SGCZ: variants seen among roughly 807,000 people sequenced by gnomAD.
SGCZ encodes the protein sarcoglycan zeta.
A neutral mutation model predicts 41.3 loss-of-function variants in SGCZ; 40 were observed. That is an observed-to-expected ratio of 0.97 (90% CI 0.75 to 1.26). The LOEUF is 1.26. Among genes scored for constraint, SGCZ ranks in the 50% most tolerant of loss-of-function variants. The probability of loss-of-function intolerance (pLI) is 0.00; values close to 1 mark genes in which losing one functional copy is unlikely to be tolerated. For missense variants in SGCZ, 552 were observed against 369.8 expected, an observed-to-expected ratio of 1.49 and a Z score of -4.04; for synonymous variants, 206 against 137.5, an observed-to-expected ratio of 1.50 and a Z score of -3.49.
At chr8:14,177,819 C>T (rs1005019239) in intron 4 of SGCZ, among the ~76,000 whole-genome samples, 4 of 150,844 alleles carry the variant, frequency 2.7e-5, no homozygotes, top group Admixed American at 6.6e-5. Context: ...CCACTGCGCC[C>T]GGCCCTCTGT....
intron 1 of SGCZ, among the ~76,000 whole-genome samples, chr8:14,583,239 G>T (rs11778109): frequency 0.2 from 29,703 of 146,318 alleles, 3,593 homozygotes; most frequent in Non-Finnish European, 0.27. Context: ...TGGTTTTGAT[G>T]TGCATTTCTC....
At chr8:14,533,596 T>G (rs1456638511) in intron 2 of SGCZ, among the ~76,000 whole-genome samples, 1 of 151,994 alleles carries the variant, frequency 6.6e-6, no homozygotes, top group Non-Finnish European at 1.5e-5. Flanking sequence ...AAGATCTAAG[T>G]GCAAAATTTG....
rs201353141 is a variant in SGCZ, at chr8:15,048,894, CA to C, written c.39+188690del. ...ATTTACACCCTGACCATCTTCCAAACAAAAAGTTGCTCTCCTCAAAAAACTT... is the reference window on the plus strand; with the variant it reads ...ATTTACACCCTGACCATCTTCCAAACAAAAGTTGCTCTCCTCAAAAAACTT... On this transcript the variant is annotated intron_variant, in intron 1 of 7. Coordinates refer to ENST00000382080, the MANE Select transcript of SGCZ (RefSeq NM_139167.4). 3.0e-3 allele frequency among the ~76,000 whole-genome samples: 462 copies of C among 152,144 alleles called. 1 individual carries two copies. The highest frequency in any genetic ancestry group is 0.01 in the African/African-American group (423 of 41,522).
chr8:14,832,815 AC>A (rs1802577978), intron 1 of SGCZ, among the ~76,000 whole-genome samples: 1 of 152,086 alleles, frequency 6.6e-6, no homozygotes, highest in Non-Finnish European at 1.5e-5. Context: ...CATTAATCCA[AC>A]CTTTCAAATA....
chr8:14,888,764 T>C (rs56399873), intron 1 of SGCZ, among the ~76,000 whole-genome samples: 4,198 of 152,250 alleles, frequency 0.028, 202 homozygotes, highest in African/African-American at 0.096. Flanking sequence ...CTGAAACACA[T>C]TGTCTATATA....
intron 2 of SGCZ, among the ~76,000 whole-genome samples, chr8:14,326,528 C>G (rs1197457831): frequency 6.6e-6 from 1 of 151,916 alleles, no homozygotes; most frequent in Admixed American, 6.6e-5. Context: ...TCTGGATTGC[C>G]CCATAGAAGG....
chr8:14,393,067 C>T (rs1804833931), intron 2 of SGCZ, among the ~76,000 whole-genome samples: 1 of 151,972 alleles, frequency 6.6e-6, no homozygotes, highest in South Asian at 2.1e-4. Flanking sequence ...ATATGAAAGG[C>T]ACGTATAAAG....
At chr8:14,570,520 T>A (rs569723774) in intron 1 of SGCZ, among the ~76,000 whole-genome samples, 10 of 152,338 alleles carry the variant, frequency 6.6e-5, no homozygotes, top group African/African-American at 2.2e-4. Context: ...GTATAACAGC[T>A]TATCTAAGAT....
chr8:14,738,559 T>C (rs981094859), intron 1 of SGCZ, among the ~76,000 whole-genome samples: 1 of 152,142 alleles, frequency 6.6e-6, no homozygotes, highest in African/African-American at 2.4e-5. Flanking sequence ...AAATTTCCTC[T>C]GCAGTTACCA....
chr8:14,995,558 C>T (rs1206725828), intron 1 of SGCZ, among the ~76,000 whole-genome samples: 1 of 152,150 alleles, frequency 6.6e-6, no homozygotes, highest in Non-Finnish European at 1.5e-5. Flanking sequence ...TTTTGGGGTT[C>T]ATCCAAATGG....
At chr8:14,518,260 C>G (rs756180017) in intron 2 of SGCZ, among the ~76,000 whole-genome samples, 4 of 151,850 alleles carry the variant, frequency 2.6e-5, no homozygotes, top group Non-Finnish European at 4.4e-5. Context: ...AAGCTAACAC[C>G]TGAAAATATG....
intron 1 of SGCZ, among the ~76,000 whole-genome samples, chr8:14,764,496 C>T (rs1193753015): frequency 6.6e-6 from 1 of 152,124 alleles, no homozygotes; most frequent in African/African-American, 2.4e-5. Context: ...TAAACCATCA[C>T]CTACACAGTA....
intron 4 of SGCZ, among the ~76,000 whole-genome samples, chr8:14,212,593 T>C (rs1805855520): frequency 6.6e-6 from 1 of 150,788 alleles, no homozygotes; most frequent in Admixed American, 6.6e-5. Context: ...ACTGATAAAA[T>C]AGAAGATTTC....
chr8:14,166,110 T>A (rs1323454832), intron 4 of SGCZ, among the ~76,000 whole-genome samples: 1 of 152,118 alleles, frequency 6.6e-6, no homozygotes, highest in Non-Finnish European at 1.5e-5. Context: ...CACATAAAAA[T>A]TTGAAAAGCT....
intron 3 of SGCZ, among the ~76,000 whole-genome samples, chr8:14,246,332 A>G (rs971759108): frequency 6.6e-6 from 1 of 152,064 alleles, no homozygotes; most frequent in African/African-American, 2.4e-5. Flanking sequence ...CATTCTCAGT[A>G]AACTATCGCA....
In SGCZ at chr8:14,262,069, A is replaced by T. The variant is rs144381043; in HGVS notation, c.337-24390T>A. ...TACAGTATAGTTTTTGAGAGAATTA[A>T]ATCTGTGACACATTACTCCTTGCAT... On this transcript the variant is annotated intron_variant, in intron 3 of 7. Transcript: ENST00000382080. Among the ~76,000 whole-genome samples, 461 of 152,308 alleles carry T rather than the reference A, an allele frequency of 3.0e-3. 1 individual carries two copies. The highest frequency in any genetic ancestry group is 0.01 in the African/African-American group (431 of 41,584).
rs377668688 is a variant in SGCZ, at chr8:14,324,836, C to T, written c.235-632G>A. Among the ~76,000 whole-genome samples, 7 of 152,058 alleles carry T rather than the reference C, an allele frequency of 4.6e-5. No individual in the cohort carries two copies. The East Asian group carries it at 1.4e-3, about 29-fold the overall frequency. On this transcript the variant is annotated intron_variant, in intron 2 of 7. Coordinates refer to ENST00000382080, the MANE Select transcript of SGCZ (RefSeq NM_139167.4). ...GAATTAAAGAAAGGAGGTTTTATAT[C>T]TGATAAGATAGTAAACCATTTCTCA...
intron 1 of SGCZ, among the ~76,000 whole-genome samples, chr8:15,140,850 A>G (rs1190170645): frequency 6.6e-6 from 1 of 152,204 alleles, no homozygotes; most frequent in Admixed American, 6.5e-5. Context: ...GTAGTATTGA[A>G]CACTAAGCAT....
intron 1 of SGCZ, among the ~76,000 whole-genome samples, chr8:15,205,081 C>A (rs1390043391): frequency 2.0e-5 from 3 of 152,094 alleles, no homozygotes; most frequent in Non-Finnish European, 4.4e-5. Flanking sequence ...GGTTGTCATG[C>A]CAGTTCATGA....
Sources: gnomAD v4.1 joint callset for allele counts (sites outside exome capture counted in the v4.1 genomes callset) on GRCh38, gnomAD v4.1.1 for gene constraint, MANE v1.5 for transcripts, NCBI Gene and HGNC (gene_info 2026-07-23, HGNC 2026-07-21) for gene names.